ELMO1: variants seen among roughly 807,000 people sequenced by gnomAD.
ELMO1 encodes engulfment and cell motility 1.
Under a neutral mutation model 98.9 loss-of-function variants are expected in ELMO1, and 26 were observed. The ratio of observed to expected loss-of-function variants is 0.26; its 90% CI spans 0.19 to 0.36. The LOEUF (loss-of-function observed/expected upper bound fraction) is 0.36. ELMO1 is among the 10% of genes least tolerant of loss of function. The pLI is 1.00. For synonymous variants in ELMO1, 346 were observed against 346.0 expected, an observed-to-expected ratio of 1.00 and a Z score of 0.00; for missense variants, 627 against 935.2, an observed-to-expected ratio of 0.67 and a Z score of 4.30.
intron 13 of ELMO1, among the ~76,000 whole-genome samples, chr7:37,156,424 G>A (rs188871825): frequency 1.8e-3 from 275 of 152,156 alleles, no homozygotes; most frequent in African/African-American, 6.5e-3. Flanking sequence ...TGGACCACTA[G>A]CAAGACTAAT....
intron 13 of ELMO1, among the ~76,000 whole-genome samples, chr7:37,184,507 A>AAC (rs1791077799): frequency 6.6e-6 from 1 of 152,198 alleles, no homozygotes; most frequent in Admixed American, 6.5e-5. Flanking sequence ...GCCAAAAGTG[A>AAC]ATACGTTGAC....
At chr7:37,400,193 T>G (rs1803466501) in intron 1 of ELMO1, among the ~76,000 whole-genome samples, 1 of 152,140 alleles carries the variant, frequency 6.6e-6, no homozygotes, top group Non-Finnish European at 1.5e-5. Context: ...TAGCATATGC[T>G]CAGTTAGTAC....
intron 5 of ELMO1, among the ~76,000 whole-genome samples, chr7:37,264,265 G>A (rs1202986482): frequency 1.3e-5 from 2 of 151,802 alleles, no homozygotes; most frequent in Non-Finnish European, 2.9e-5. Flanking sequence ...CTAAATGAAT[G>A]TACAAATGAA....
chr7:37,362,101 T>C (rs1402123040), intron 1 of ELMO1, among the ~76,000 whole-genome samples: 1 of 152,046 alleles, frequency 6.6e-6, no homozygotes, highest in Non-Finnish European at 1.5e-5. Flanking sequence ...AAAAATAAAA[T>C]AAAGCTGTAA....
chr7:37,125,382 A>T (rs893810701), intron 14 of ELMO1, among the ~76,000 whole-genome samples: 8 of 152,134 alleles, frequency 5.3e-5, no homozygotes, highest in African/African-American at 1.9e-4. Context: ...TTTGCAATCT[A>T]CTCATCTGAC....
At chr7:37,327,439 A>G (rs896947370) in intron 2 of ELMO1, among the ~76,000 whole-genome samples, 10 of 152,246 alleles carry the variant, frequency 6.6e-5, no homozygotes, top group Non-Finnish European at 1.3e-4. Flanking sequence ...GAGAAAGCCA[A>G]TAAGCCCTGA....
At chr7:36,944,304 G>A (rs537747870) in intron 16 of ELMO1, among the ~76,000 whole-genome samples, 10 of 152,242 alleles carry the variant, frequency 6.6e-5, no homozygotes, top group Admixed American at 3.3e-4. Flanking sequence ...TCTTGGGCAC[G>A]ACAATCCTGA....
chr7:36,862,474 G>T (rs1393408889), intron 20 of ELMO1, among the ~76,000 whole-genome samples: 1 of 152,220 alleles, frequency 6.6e-6, no homozygotes, highest in African/African-American at 2.4e-5. Flanking sequence ...TCATTTCATT[G>T]CAGGTGAATG....
chr7:36,991,680 TCCTGAGCAGAATGTGCAAAC>T (rs1255900754), intron 16 of ELMO1, among the ~76,000 whole-genome samples: 20 of 152,190 alleles, frequency 1.3e-4, no homozygotes, highest in Admixed American at 9.8e-4. Flanking sequence ...GGAGAGATGA[TCCTGAGCAGAATGTGCAAAC>T]CCTGTCACAC....
chr7:37,111,304 A>G (rs1563008017), intron 14 of ELMO1, among the ~76,000 whole-genome samples: 1 of 152,166 alleles, frequency 6.6e-6, no homozygotes, highest in Non-Finnish European at 1.5e-5. Context: ...AGTCCCTCAT[A>G]TTGCTAAGAA....
intron 1 of ELMO1, among the ~76,000 whole-genome samples, chr7:37,409,934 A>G (rs540630035): frequency 6.6e-6 from 1 of 152,340 alleles, no homozygotes; most frequent in East Asian, 1.9e-4. Context: ...TACCACAGTA[A>G]ATATTATCAT....
chr7:37,374,643 T>A (rs895878435), intron 1 of ELMO1, among the ~76,000 whole-genome samples: 2 of 152,004 alleles, frequency 1.3e-5, no homozygotes, highest in East Asian at 3.9e-4. Flanking sequence ...CCCAGCTACT[T>A]GGGAGGCTGA....
intron 2 of ELMO1, among the ~76,000 whole-genome samples, chr7:37,322,080 G>C (rs951985354): frequency 3.3e-5 from 5 of 151,582 alleles, no homozygotes; most frequent in African/African-American, 9.7e-5. Flanking sequence ...GACTGGTCTC[G>C]AACTCCTGAC....
chr7:37,395,483 T>C (rs1267048472), intron 1 of ELMO1, among the ~76,000 whole-genome samples: 1 of 152,090 alleles, frequency 6.6e-6, no homozygotes, highest in Non-Finnish European at 1.5e-5. Flanking sequence ...CAGCCCATCA[T>C]TGACTTAATT....
At chr7:37,152,668 G>A (rs1038022407) in intron 13 of ELMO1, among the ~76,000 whole-genome samples, 1 of 152,118 alleles carries the variant, frequency 6.6e-6, no homozygotes, top group Non-Finnish European at 1.5e-5. Context: ...ACTCAGCACC[G>A]GAAAGAAGGG....
chr7:36,894,745 G>A, intron 17 of ELMO1, 109 bp downstream of exon 17: 1 of 1,358,518 alleles, frequency 7.4e-7, no homozygotes, highest in East Asian at 2.3e-5. Flanking sequence ...TCTTCTGCTG[G>A]CCTTCCCTGA....
chr7:37,132,584 C>T (rs916632521), intron 14 of ELMO1, among the ~76,000 whole-genome samples: 1 of 152,214 alleles, frequency 6.6e-6, no homozygotes. Flanking sequence ...ATGGCATCTT[C>T]AGCAGGTGGC....
chr7:37,122,008 A>G (rs1412783334), intron 14 of ELMO1, among the ~76,000 whole-genome samples: 5 of 152,226 alleles, frequency 3.3e-5, no homozygotes, highest in African/African-American at 1.2e-4. Context: ...AGAATTTTCA[A>G]CCCAGAATTT....
chr7:37,154,947 A>C (rs1490248230), intron 13 of ELMO1, among the ~76,000 whole-genome samples: 2 of 152,264 alleles, frequency 1.3e-5, no homozygotes, highest in African/African-American at 2.4e-5. Flanking sequence ...GAAGCCCATC[A>C]GACTAACAGC....
Sources: allele counts gnomAD v4.1 joint callset (sites outside exome capture counted in the v4.1 genomes callset), GRCh38; gene constraint gnomAD v4.1.1; transcripts MANE v1.5; gene names NCBI Gene and HGNC (gene_info 2026-07-23, HGNC 2026-07-21).